KCNH1: variants seen among roughly 807,000 people sequenced by gnomAD.
KCNH1 encodes the protein voltage-gated delayed rectifier potassium channel KCNH1.
In KCNH1, 27 loss-of-function variants were observed where a neutral mutation model predicts 69.2. The observed-to-expected ratio is 0.39, with a 90% CI of 0.29 to 0.54. KCNH1 has a LOEUF of 0.54. KCNH1 is among the 20% of genes least tolerant of loss of function. The pLI, the probability that KCNH1 is intolerant of heterozygous loss-of-function variation, is 0.68. For missense variants in KCNH1, 798 were observed against 1,261.6 expected, an observed-to-expected ratio of 0.63 and a Z score of 5.57; for synonymous variants, 456 against 487.7, an observed-to-expected ratio of 0.93 and a Z score of 0.86.
chr1:210,731,127 C>A (rs1682738546), intron 10 of KCNH1, among the ~76,000 whole-genome samples: 1 of 152,180 alleles, frequency 6.6e-6, no homozygotes, highest in African/African-American at 2.4e-5. Flanking sequence ...TTTATCTGTC[C>A]AATTAGGTGG....
chr1:210,775,148 G>T (rs1683836018), intron 10 of KCNH1, among the ~76,000 whole-genome samples, 200 bp downstream of exon 10: 1 of 152,070 alleles, frequency 6.6e-6, no homozygotes, highest in Non-Finnish European at 1.5e-5. Flanking sequence ...CACCAAAACG[G>T]ATCCATCTTC....
chr1:211,046,359 A>G (rs1690095326), intron 5 of KCNH1, among the ~76,000 whole-genome samples: 1 of 152,246 alleles, frequency 6.6e-6, no homozygotes, highest in African/African-American at 2.4e-5. Flanking sequence ...AAGAATAAAA[A>G]TAAAAGCAAG....
intron 10 of KCNH1, among the ~76,000 whole-genome samples, chr1:210,700,353 C>T (rs1200999229): frequency 2.0e-5 from 3 of 152,064 alleles, no homozygotes; most frequent in Non-Finnish European, 4.4e-5. Flanking sequence ...ATGGAGTGTC[C>T]GAGCCAGCTT....
intron 10 of KCNH1, among the ~76,000 whole-genome samples, chr1:210,728,233 T>TG (rs1682656626): frequency 6.6e-6 from 1 of 152,192 alleles, no homozygotes; most frequent in Admixed American, 6.5e-5. Flanking sequence ...ATGAGTTGTG[T>TG]GTTTTCAGAA....
At chr1:210,862,331 G>T in intron 7 of KCNH1, 2 of 716,330 alleles carry the variant, frequency 2.8e-6, no homozygotes, top group Non-Finnish European at 5.1e-6. Context: ...TACTGGGCCA[G>T]GAATAGCACT....
At position 211,130,788 on chromosome 1, in the gene KCNH1, T is replaced by C. The variant is rs557760972; in HGVS notation, c.79+3079A>G. On this transcript the variant is annotated intron_variant, in intron 1 of 10. Transcript: ENST00000271751. ...CTGTGAAAAGTGACTTGGTACTTTA[T>C]AATGGGGCACACAGATGTTAAGTGC... Among the ~76,000 whole-genome samples, 3 of 152,338 alleles carry C rather than the reference T, an allele frequency of 2.0e-5. No homozygotes were observed. The South Asian group carries it at 6.2e-4, about 32-fold the overall frequency.
At chr1:211,002,330 GTGTGTGTGTATATA>G (rs1246134373) in intron 6 of KCNH1, among the ~76,000 whole-genome samples, 4 of 135,360 alleles carry the variant, frequency 3.0e-5, no homozygotes, top group African/African-American at 1.2e-4. Context: ...ATATATATGT[GTGTGTGTGTATATA>G]TATATATATA....
rs139485350 is a variant in KCNH1 at position 210,788,685 on chromosome 1, C to CTTTTTTT, written c.1915+8816_1915+8822dup. On this transcript the variant is annotated intron_variant, in intron 9 of 10. Transcript: ENST00000271751. ...AGATTATTCATATTATAGCTTCTTT[C>CTTTTTTT]TTTTTTTTTTTTTTTTTTTTTTTTT... 4.5e-4 allele frequency among the ~76,000 whole-genome samples: 36 copies of CTTTTTTT among 80,730 alleles called. 1 individual carries two copies. Among genetic ancestry groups the CTTTTTTT allele is most frequent in the African/African-American group, 5.9e-4 (12 of 20,200 alleles). The allele number at this position is 80,730 out of a possible 152,430, so 53.0% of individuals were successfully genotyped here. A position where few individuals can be genotyped will look rare whatever the true frequency, so the allele number is the denominator to read the frequency against.
At chr1:210,856,709 TG>T (rs909493533) in intron 7 of KCNH1, among the ~76,000 whole-genome samples, 1 of 146,686 alleles carries the variant, frequency 6.8e-6, no homozygotes, top group African/African-American at 2.5e-5. Flanking sequence ...AAACTAATCT[TG>T]GTAATGGTTC....
chr1:210,848,642 C>A (rs998712872), intron 7 of KCNH1, among the ~76,000 whole-genome samples: 1 of 152,042 alleles, frequency 6.6e-6, no homozygotes, highest in Non-Finnish European at 1.5e-5. Flanking sequence ...CATAAATCTG[C>A]GAGATAGTTG....
At chr1:210,716,948 G>A (rs1682271332) in intron 10 of KCNH1, among the ~76,000 whole-genome samples, 1 of 152,180 alleles carries the variant, frequency 6.6e-6, no homozygotes, top group African/African-American at 2.4e-5. Flanking sequence ...TGTGGGCCCT[G>A]GAAGAGGGCA....
At position 210,919,535 on chromosome 1, in the gene KCNH1, T is replaced by C. The variant is rs931732249; in HGVS notation, c.1462+105A>G. On this transcript the variant is annotated intron_variant, in intron 7 of 10. Transcript: ENST00000271751. The surrounding 1 kb of genome is among the most constrained non-coding windows in gnomAD (Gnocchi z 4.2). ...GCCTAGTCTTAAAAAAACTCTTCCT[T>C]GTTTTAAGTTATTATTCTCCTGATC... The C allele has an allele frequency of 3.6e-6, 4 of 1,109,586 alleles. No individual in the cohort carries two copies. The highest frequency in any genetic ancestry group is 3.1e-5 in the African/African-American group (2 of 63,918). The allele number at this position is 1,109,586 out of a possible 1,614,324, so 68.7% of individuals were successfully genotyped here.
At chr1:210,775,095 C>T (rs1162731034) in intron 10 of KCNH1, among the ~76,000 whole-genome samples, 2 of 152,046 alleles carry the variant, frequency 1.3e-5, no homozygotes, top group East Asian at 1.9e-4. Flanking sequence ...GAAAAAAAAG[C>T]CACCTCCCTG....
At chr1:210,797,219 C>T (rs1684332740) in intron 9 of KCNH1, among the ~76,000 whole-genome samples, 1 of 152,106 alleles carries the variant, frequency 6.6e-6, no homozygotes, top group East Asian at 1.9e-4. Flanking sequence ...TTAGATGTGC[C>T]TCCCACTGTA....
At chr1:210,839,787 T>G (rs1685366602) in intron 7 of KCNH1, among the ~76,000 whole-genome samples, 1 of 152,228 alleles carries the variant, frequency 6.6e-6, no homozygotes. Context: ...GTGTATCTTT[T>G]AAAACTCAAA....
At chr1:210,861,565 T>G in intron 7 of KCNH1, 1 of 772,326 alleles carries the variant, frequency 1.3e-6, no homozygotes, top group Non-Finnish European at 2.4e-6. Flanking sequence ...TCTTTAAAAT[T>G]TCTACCCATT....
intron 7 of KCNH1, among the ~76,000 whole-genome samples, chr1:210,821,138 A>C (rs1201481045): frequency 1.3e-5 from 2 of 152,164 alleles, no homozygotes; most frequent in Non-Finnish European, 2.9e-5. Context: ...GAGTGCTTTG[A>C]ACCTCACCTT....
intron 6 of KCNH1, among the ~76,000 whole-genome samples, chr1:210,981,401 C>A (rs1688708358): frequency 6.8e-6 from 1 of 146,710 alleles, no homozygotes; most frequent in Non-Finnish European, 1.5e-5. Flanking sequence ...AAGAATCATC[C>A]CTTATCACAC....
intron 1 of KCNH1, among the ~76,000 whole-genome samples, chr1:211,115,730 T>TATATATATATATACAC (rs1159442976): frequency 1.1e-5 from 1 of 87,022 alleles, no homozygotes; most frequent in East Asian, 2.4e-4. Context: ...TATATATATA[T>TATATATATATATACAC]ACACACACAC....
Sources: allele counts gnomAD v4.1 joint callset (sites outside exome capture counted in the v4.1 genomes callset), GRCh38; gene constraint gnomAD v4.1.1; non-coding constraint Gnocchi (gnomAD v3.1); transcripts MANE v1.5; gene names NCBI Gene and HGNC (gene_info 2026-07-23, HGNC 2026-07-21).